PPP2R5E: variants seen among roughly 807,000 people sequenced by gnomAD.
PPP2R5E encodes the protein serine/threonine-protein phosphatase 2A 56 kDa regulatory subunit epsilon isoform.
PPP2R5E carries 4 observed loss-of-function variants against 65.3 expected under a neutral mutation model. That is an observed-to-expected ratio of 0.06 (90% CI 0.03 to 0.14). The LOEUF is 0.14. Among genes scored for constraint, PPP2R5E ranks in the 10% least tolerant of loss-of-function variants. The pLI is 1.00. For synonymous variants in PPP2R5E, 183 were observed against 187.4 expected (o/e 0.98, Z 0.19); for missense variants, 274 against 556.1 (o/e 0.49, Z 5.10).
rs543532454 is a variant in PPP2R5E, at chr14:63,446,664, C to T, written c.354+7025G>A. Among the ~76,000 whole-genome samples the T allele has an allele frequency of 6.6e-4, 100 of 151,756 alleles. No homozygotes were observed. In the South Asian group the frequency reaches 7.9e-3, roughly 12 times the overall value. On this transcript the variant is annotated intron_variant, in intron 3 of 13. Coordinates refer to ENST00000337537, the MANE Select transcript of PPP2R5E (RefSeq NM_006246.5). Reference sequence around the variant, plus strand: ...CTAACATGGTGAAACCCCGTCTCTACTAAAAATACAAAAAATTATCTGGGC... The same window carrying T: ...CTAACATGGTGAAACCCCGTCTCTATTAAAAATACAAAAAATTATCTGGGC...
chr14:63,380,961 G>A (rs1263937339), intron 13 of PPP2R5E, among the ~76,000 whole-genome samples: 1 of 152,158 alleles, frequency 6.6e-6, no homozygotes, highest in East Asian at 1.9e-4. Flanking sequence ...AAGGGAACCA[G>A]AGAGGTTCAG....
At chr14:63,416,718 G>GA (rs937289827) in intron 4 of PPP2R5E, among the ~76,000 whole-genome samples, 51 of 144,556 alleles carry the variant, frequency 3.5e-4, no homozygotes, top group Admixed American at 1.2e-3. Context: ...GAAAAAAAAA[G>GA]AAAAAAAAAA....
At chr14:63,484,527 TATTCAAA>T (rs1890888032) in intron 2 of PPP2R5E, among the ~76,000 whole-genome samples, 1 of 151,948 alleles carries the variant, frequency 6.6e-6, no homozygotes, top group Non-Finnish European at 1.5e-5. Context: ...CACCCACAAA[TATTCAAA>T]AGCAAAAAAA....
chr14:63,503,852 T>C (rs574569686), intron 2 of PPP2R5E, among the ~76,000 whole-genome samples: 1 of 152,292 alleles, frequency 6.6e-6, no homozygotes, highest in East Asian at 1.9e-4. Context: ...CCAATCAGTA[T>C]GCCTCCCTGC....
intron 3 of PPP2R5E, among the ~76,000 whole-genome samples, chr14:63,446,269 A>G (rs114657595): frequency 0.012 from 1,889 of 152,268 alleles, 38 homozygotes; most frequent in African/African-American, 0.044. Flanking sequence ...AAGGTCATCC[A>G]TGAGGGTTGG....
chr14:63,470,214 G>A (rs1263548476), intron 2 of PPP2R5E, among the ~76,000 whole-genome samples: 1 of 152,028 alleles, frequency 6.6e-6, no homozygotes, highest in Non-Finnish European at 1.5e-5. Flanking sequence ...TGGGATTACA[G>A]GCATGCACCA....
At chr14:63,463,830 T>C (rs1304622239) in intron 2 of PPP2R5E, among the ~76,000 whole-genome samples, 2 of 151,962 alleles carry the variant, frequency 1.3e-5, no homozygotes, top group South Asian at 4.2e-4. Context: ...TCTCCTGACC[T>C]CGTGATCCGC....
intron 5 of PPP2R5E, among the ~76,000 whole-genome samples, chr14:63,413,951 C>T (rs1886548536): frequency 6.6e-6 from 1 of 152,162 alleles, no homozygotes; most frequent in African/African-American, 2.4e-5. Context: ...TGTACAGGTA[C>T]TAATGAGCCG....
At position 63,415,191 on chromosome 14, in the gene PPP2R5E, T is replaced by C; in HGVS notation, c.498A>G (p.Glu166=). The change falls in exon 5 of 14, where the codon GAA becomes GAG. Residue 166 remains glutamate, a synonymous_variant. Coordinates refer to ENST00000337537, the MANE Select transcript of PPP2R5E (RefSeq NM_006246.5). ...ATTTTTTGGCAATGCTGGGTTGGAA[T>C]TCTTGGCTTTCCAAAAATCGTATGA... ...EFFIRFLESQ[E]FQPSIAKKYI... The C allele has an allele frequency of 1.2e-6, 2 of 1,605,642 alleles. No homozygotes were observed. Among genetic ancestry groups the C allele is most frequent in the Non-Finnish European group, 1.7e-6 (2 of 1,173,312 alleles).
intron 2 of PPP2R5E, among the ~76,000 whole-genome samples, chr14:63,522,250 A>T (rs1455247753): frequency 6.6e-6 from 1 of 152,034 alleles, no homozygotes; most frequent in African/African-American, 2.4e-5. Flanking sequence ...TCAGTGCTCA[A>T]TGTTGCCCAG....
At chr14:63,397,265 G>A (rs1885450005) in intron 5 of PPP2R5E, among the ~76,000 whole-genome samples, 1 of 152,142 alleles carries the variant, frequency 6.6e-6, no homozygotes, top group Non-Finnish European at 1.5e-5. Context: ...ACCTGGGGAG[G>A]CCAAGGCAGG....
intron 2 of PPP2R5E, among the ~76,000 whole-genome samples, chr14:63,510,522 T>C (rs1054663023): frequency 4.6e-5 from 7 of 152,212 alleles, no homozygotes; most frequent in Admixed American, 1.3e-4. Context: ...TTTTATGTAG[T>C]GTATCATTGA....
At chr14:63,394,526 T>C (rs570773571) in intron 7 of PPP2R5E, among the ~76,000 whole-genome samples, 2 of 152,298 alleles carry the variant, frequency 1.3e-5, no homozygotes, top group African/African-American at 4.8e-5. Context: ...TCAAAACCCT[T>C]TATTTTCCCT....
intron 2 of PPP2R5E, among the ~76,000 whole-genome samples, chr14:63,502,909 CTT>C (rs1428202260): frequency 1.3e-5 from 2 of 152,220 alleles, no homozygotes; most frequent in Non-Finnish European, 2.9e-5. Flanking sequence ...AGGAAAATCA[CTT>C]GTGCCCAGGA....
chr14:63,443,477 G>A (rs571344859), intron 3 of PPP2R5E, among the ~76,000 whole-genome samples: 1 of 152,250 alleles, frequency 6.6e-6, no homozygotes, highest in Admixed American at 6.5e-5. Flanking sequence ...CACCCAAGGT[G>A]CGAGCAATTA....
Position 63,396,842 on chromosome 14 carries a change from C to A in PPP2R5E, c.550-126G>T. The A allele has an allele frequency of 2.6e-6, 3 of 1,166,716 alleles. No individual in the cohort carries two copies. In the South Asian group the frequency reaches 4.6e-5, roughly 18 times the overall value. 72.3% of individuals were successfully genotyped at this position (1,166,716 alleles called of 1,614,324 possible). A position where few individuals can be genotyped will look rare whatever the true frequency, so the allele number is the denominator to read the frequency against. On this transcript the variant is annotated intron_variant, in intron 5 of 13. Transcript: ENST00000337537. ...TGTTGAATATCTATTATGTGCCAAG[C>A]ACAGTGCTAGTCTTTGGGCATATCA...
intron 2 of PPP2R5E, among the ~76,000 whole-genome samples, chr14:63,505,308 C>T (rs1190537467): frequency 3.4e-5 from 5 of 149,184 alleles, no homozygotes; most frequent in Admixed American, 2.0e-4. Context: ...AATACTAAGA[C>T]CATCTAATCT....
At chr14:63,522,942 C>T (rs1179483848) in intron 2 of PPP2R5E, among the ~76,000 whole-genome samples, 3 of 147,422 alleles carry the variant, frequency 2.0e-5, no homozygotes, top group Non-Finnish European at 4.5e-5. Context: ...CCAGCCGCCC[C>T]GTCCGGGAGG....
At chr14:63,469,917 C>T (rs756617744) in intron 2 of PPP2R5E, among the ~76,000 whole-genome samples, 3 of 152,142 alleles carry the variant, frequency 2.0e-5, no homozygotes, top group South Asian at 2.1e-4. Context: ...CAATGGCTAA[C>T]GTGTAAAAAC....
Sources: allele counts gnomAD v4.1 joint callset (sites outside exome capture counted in the v4.1 genomes callset), GRCh38; gene constraint gnomAD v4.1.1; transcripts MANE v1.5; gene names NCBI Gene and HGNC (gene_info 2026-07-23, HGNC 2026-07-21).